ARPC2: variants seen among roughly 807,000 people sequenced by gnomAD.
ARPC2 encodes the protein actin related protein 2/3 complex subunit 2.
In ARPC2, 4 loss-of-function variants were observed where a neutral mutation model predicts 38.6. That is an observed-to-expected ratio of 0.10 (90% confidence interval 0.05 to 0.24). The LOEUF (loss-of-function observed/expected upper bound fraction) is 0.24. ARPC2 is among the 10% of genes least tolerant of loss of function. The probability of loss-of-function intolerance (pLI) is 1.00; values close to 1 mark genes in which losing one functional copy is unlikely to be tolerated. For synonymous variants in ARPC2, 125 were observed against 140.8 expected (o/e 0.89, Z 0.79); for missense variants, 229 against 387.3 (o/e 0.59, Z 3.43).
At chr2:218,253,621 T>C (rs891008326) in intron 10 of ARPC2, among the ~76,000 whole-genome samples, 1 of 152,244 alleles carries the variant, frequency 6.6e-6, no homozygotes, top group Non-Finnish European at 1.5e-5. Context: ...GATTCTTCTA[T>C]CTAACTTGGT....
At chr2:218,218,051 G>A (rs1689296656) in intron 2 of ARPC2, among the ~76,000 whole-genome samples, 1 of 152,194 alleles carries the variant, frequency 6.6e-6, no homozygotes, top group Non-Finnish European at 1.5e-5. Context: ...AGGAGCAGAA[G>A]AGAAGACTAA....
rs193209358 is a variant in ARPC2 at position 218,239,492 on chromosome 2, G to T, written c.549+8G>T. On this transcript the variant is annotated splice_region_variant and intron_variant, in intron 7 of 10. Transcript: ENST00000315717. The stretch of plus-strand genomic sequence containing the variant: ...GGAAAGGTGTTCATGCAGGTATGGA[G>T]CAGACATCTTGGGGGAAACCCATGC... 2.9e-4 allele frequency: 459 copies of T among 1,610,352 alleles called. 1 individual carries two copies. In the African/African-American group the frequency reaches 5.3e-3, roughly 18 times the overall value.
intron 7 of ARPC2, 81 bp downstream of exon 7, chr2:218,239,565 G>C: frequency 8.8e-7 from 1 of 1,141,958 alleles, no homozygotes; most frequent in Non-Finnish European, 1.3e-6. Flanking sequence ...GCGTAGGAAA[G>C]AGATCTAGCA....
At position 218,238,778 on chromosome 2, in the gene ARPC2, A is replaced by T; in HGVS notation, c.383A>T (p.Tyr128Phe). ...RNCFASVFEK[Y>F]FQFQEEGKEG... ...TGTTTTGCCTCTGTCTTTGAAAAAT[A>T]CTTCCAATTCCAAGAAGAGGGCAAG... The change falls in exon 6 of 11, where the codon TAC becomes TTC. Residue 128 changes from tyrosine (Y) to phenylalanine (F), a missense_variant. Physicochemically the swap from Tyr to Phe is conservative, Grantham distance 22. Transcript: ENST00000315717. The T allele has an allele frequency of 6.2e-7, 1 of 1,613,972 alleles. No individual in the cohort carries two copies. The highest frequency in any genetic ancestry group is 8.5e-7 in the Non-Finnish European group (1 of 1,179,970).
chr2:218,238,857 A>G lies in ARPC2; in HGVS notation c.455+7A>G, dbSNP rs10169718. On this transcript the variant is annotated splice_region_variant and intron_variant, in intron 6 of 10. Transcript: ENST00000315717. ...ATAGGGATGATGAGACCATGTGAGT[A>G]TAGAATTTGGTCCTGAAGCCTGGAT... The G allele has an allele frequency of 0.49, 789,660 of 1,598,256 alleles. 201,650 individuals are homozygous for G. The highest frequency in any genetic ancestry group is 0.62 in the South Asian group (55,421 of 89,844).
At chr2:218,220,073 G>C (rs1689349542) in intron 2 of ARPC2, among the ~76,000 whole-genome samples, 1 of 152,194 alleles carries the variant, frequency 6.6e-6, no homozygotes, top group Non-Finnish European at 1.5e-5. Context: ...AGAAAAAAAG[G>C]GGCCTCTCTG....
At chr2:218,226,216 T>C (rs1689492632) in intron 3 of ARPC2, among the ~76,000 whole-genome samples, 1 of 148,874 alleles carries the variant, frequency 6.7e-6, no homozygotes, top group African/African-American at 2.5e-5. Flanking sequence ...TCACTTGAAC[T>C]GGGAGGCAGG....
intron 2 of ARPC2, among the ~76,000 whole-genome samples, chr2:218,224,299 G>A (rs1338736418): frequency 6.6e-6 from 1 of 152,102 alleles, no homozygotes; most frequent in East Asian, 1.9e-4. Flanking sequence ...GAGGAACTCA[G>A]CCCTTCTTTG....
intron 3 of ARPC2, chr2:218,227,206 T>G: frequency 3.1e-6 from 1 of 324,874 alleles, no homozygotes; most frequent in Non-Finnish European, 6.3e-6. Context: ...AATTCTAGTT[T>G]CAGGAACCTA....
intron 7 of ARPC2, 109 bp downstream of exon 7, chr2:218,239,593 A>T: frequency 9.6e-6 from 6 of 624,966 alleles, no homozygotes; most frequent in East Asian, 3.2e-5. Context: ...TGATGTTAGA[A>T]TTTTTTTTTT....
At chr2:218,249,691 C>A in intron 9 of ARPC2, 130 bp from the exon 10 acceptor site, 2 of 900,792 alleles carry the variant, frequency 2.2e-6, no homozygotes, top group Non-Finnish European at 3.4e-6. Flanking sequence ...CTTCCTGCTT[C>A]CCTGCAGGGC....
Position 218,253,967 on chromosome 2 carries a change from C to A in ARPC2, c.*52C>A. 5.0e-6 allele frequency: 8 copies of A among 1,608,038 alleles called. No homozygotes were observed. Among genetic ancestry groups the A allele is most frequent in the Non-Finnish European group, 6.8e-6 (8 of 1,174,870 alleles). ...TGGCAACTGAAGGCTGGAACACTTG[C>A]TACTGGATAATCGTAGCTTTTAATG... On this transcript the variant is annotated 3_prime_UTR_variant, in exon 11 of 11. Transcript: ENST00000315717.
intron 2 of ARPC2, among the ~76,000 whole-genome samples, chr2:218,220,687 G>C (rs1289741300): frequency 6.6e-6 from 1 of 151,528 alleles, no homozygotes; most frequent in Non-Finnish European, 1.5e-5. Context: ...AAAAGTATCA[G>C]CTTTCTTTTG....
chr2:218,234,123 C>A lies in ARPC2; in HGVS notation c.223-229C>A, dbSNP rs889432429. On this transcript the variant is annotated intron_variant, in intron 4 of 10. Transcript: ENST00000315717. ...GGCGGAGGTTGTGGTGAGCCGAGAT[C>A]GCGCCATTGCACTCTGTCCCAGGCA... The A allele has an allele frequency of 4.6e-5, 16 of 351,434 alleles. No homozygotes were observed. The Admixed American group carries it at 7.8e-4, about 17-fold the overall frequency. 21.8% of individuals were successfully genotyped at this position (351,434 alleles called of 1,614,324 possible). A position where few individuals can be genotyped will look rare whatever the true frequency, so the allele number is the denominator to read the frequency against.
Position 218,249,468 on chromosome 2 carries a change from AG to A in ARPC2, c.777+10del, listed in dbSNP as rs756854303. On this transcript the variant is annotated splice_donor_5th_base_variant and intron_variant, in intron 9 of 10. Transcript: ENST00000315717. ...CTACCACATCAAGTGCTCTAAGGTG[AG>A]GGGGGTGCCAGCATCTCAGCCTCTA... 7.6e-6 allele frequency: 12 copies of A among 1,588,458 alleles called. No homozygotes were observed. The South Asian group carries it at 9.0e-5, about 12-fold the overall frequency.
intron 7 of ARPC2, 40 bp from the exon 8 acceptor site, chr2:218,245,380 A>T (rs779005609): frequency 6.2e-7 from 1 of 1,613,074 alleles, no homozygotes; most frequent in South Asian, 1.1e-5. Context: ...CTCATCTTAC[A>T]CCCACTTCTC....
chr2:218,223,298 G>A (rs9917296), intron 2 of ARPC2, among the ~76,000 whole-genome samples: 2,634 of 152,276 alleles, frequency 0.017, 69 homozygotes, highest in African/African-American at 0.06. Context: ...CAGTGTGTAC[G>A]CTACCCTCTG....
chr2:218,246,496 C>G (rs550702706), intron 8 of ARPC2, among the ~76,000 whole-genome samples: 1 of 152,124 alleles, frequency 6.6e-6, no homozygotes, highest in African/African-American at 2.4e-5. Context: ...CACCATTGCA[C>G]TCCAGCCTGG....
At chr2:218,223,134 A>G (rs1330127576) in intron 2 of ARPC2, among the ~76,000 whole-genome samples, 1 of 152,242 alleles carries the variant, frequency 6.6e-6, no homozygotes, top group East Asian at 1.9e-4. Context: ...AGTTACCTGC[A>G]GTGAGCAGTG....
Sources: gnomAD v4.1 joint callset for allele counts (sites outside exome capture counted in the v4.1 genomes callset) on GRCh38, gnomAD v4.1.1 for gene constraint, MANE v1.5 for transcripts, NCBI Gene and HGNC (gene_info 2026-07-23, HGNC 2026-07-21) for gene names.